CADPS2: variants seen among roughly 807,000 people sequenced by gnomAD.
CADPS2 encodes calcium dependent secretion activator 2, also known as calcium-dependent secretion activator 2.
Under a neutral mutation model 172.5 loss-of-function variants are expected in CADPS2, and 93 were observed. The observed-to-expected ratio is 0.54, with a 90% confidence interval of 0.46 to 0.64. The LOEUF is 0.64. Ranked by LOEUF, CADPS2 falls within the 30% of genes least tolerant of loss-of-function variation. The probability of loss-of-function intolerance (pLI) is 0.00; values close to 1 mark genes in which losing one functional copy is unlikely to be tolerated. For missense variants in CADPS2, 1,420 were observed against 1,565.9 expected (o/e 0.91, Z 1.57); for synonymous variants, 546 against 555.2 (o/e 0.98, Z 0.23).
At chr7:122,388,820 A>C in intron 22 of CADPS2, 82 bp from the exon 23 acceptor site, 4 of 1,215,692 alleles carry the variant, frequency 3.3e-6, no homozygotes, top group Non-Finnish European at 4.4e-6. Context: ...TCTTTTCTGC[A>C]TCAATTGCCA....
chr7:122,742,252 G>T (rs530033799), intron 1 of CADPS2, among the ~76,000 whole-genome samples: 2 of 151,868 alleles, frequency 1.3e-5, no homozygotes, highest in Admixed American at 1.3e-4. Flanking sequence ...AAAATTAGCC[G>T]GGTGTGGTGG....
chr7:122,713,610 T>G (rs572723138), intron 2 of CADPS2, among the ~76,000 whole-genome samples: 67 of 152,112 alleles, frequency 4.4e-4, no homozygotes, highest in African/African-American at 1.5e-3. Context: ...GAAGTTTCTA[T>G]TTTGACATAA....
chr7:122,394,240 G>A (rs2044768282), intron 20 of CADPS2, among the ~76,000 whole-genome samples: 1 of 152,140 alleles, frequency 6.6e-6, no homozygotes, highest in Non-Finnish European at 1.5e-5. Context: ...AGTAGTGACA[G>A]AAATCTTAGA....
At chr7:122,518,408 A>T (rs1263564409) in intron 8 of CADPS2, among the ~76,000 whole-genome samples, 1 of 152,176 alleles carries the variant, frequency 6.6e-6, no homozygotes, top group Non-Finnish European at 1.5e-5. Context: ...TTAATTTAAC[A>T]GATCTTCAAT....
chr7:122,586,968 T>C (rs940240562), intron 6 of CADPS2, among the ~76,000 whole-genome samples: 1 of 151,790 alleles, frequency 6.6e-6, no homozygotes, highest in Admixed American at 6.6e-5. Flanking sequence ...AATTATCAAA[T>C]AAAAATGACA....
At position 122,615,173 on chromosome 7, in the gene CADPS2, T is replaced by G. The variant is rs1391615745; in HGVS notation, c.1223+8A>C. The G allele has an allele frequency of 1.4e-6, 2 of 1,480,190 alleles. No homozygotes were observed. The highest frequency in any genetic ancestry group is 2.6e-5 in the South Asian group (2 of 78,240). 91.7% of individuals were successfully genotyped at this position (1,480,190 alleles called of 1,614,324 possible). On this transcript the variant is annotated splice_region_variant and intron_variant, in intron 6 of 29. Transcript: ENST00000449022. Reference sequence around the variant, plus strand: ...ACAACAATAATACACTTTTTTCAACTGGCTTACTGTGGCCTTGAGGCTTCG... The same window carrying G: ...ACAACAATAATACACTTTTTTCAACGGGCTTACTGTGGCCTTGAGGCTTCG...
intron 2 of CADPS2, among the ~76,000 whole-genome samples, chr7:122,712,287 TTGATA>T (rs1293226410): frequency 2.0e-5 from 3 of 152,126 alleles, no homozygotes; most frequent in Admixed American, 6.6e-5. Context: ...CTTATTTGAT[TTGATA>T]TAACAAAGGT....
In CADPS2 at chr7:122,757,732, T is replaced by C. The variant is rs531188249; in HGVS notation, c.340-20664A>G. 1.8e-4 allele frequency among the ~76,000 whole-genome samples: 28 copies of C among 152,056 alleles called. No individual in the cohort carries two copies. The South Asian group carries it at 5.8e-3, about 32-fold the overall frequency. ...CTAACAGCTACTAGATGCCTGTCGA[T>C]TAGGAGAAATAAAGAAAAACGGTAA... On this transcript the variant is annotated intron_variant, in intron 1 of 29. Transcript: ENST00000449022.
chr7:122,659,085 T>C (rs1022534600), intron 3 of CADPS2, among the ~76,000 whole-genome samples: 4 of 151,942 alleles, frequency 2.6e-5, no homozygotes, highest in African/African-American at 7.2e-5. Flanking sequence ...TTATGAAGCA[T>C]GTCAAAAGCA....
chr7:122,665,978 T>C lies in CADPS2; in HGVS notation c.454-2409A>G, dbSNP rs182429641. ...TTGAGATGTTTAACAATATGTTTTGTCTAAGAATGACAAGAGCTACTTCAG... is the reference window on the plus strand; with the variant it reads ...TTGAGATGTTTAACAATATGTTTTGCCTAAGAATGACAAGAGCTACTTCAG... On this transcript the variant is annotated intron_variant, in intron 2 of 29. Coordinates refer to ENST00000449022, the MANE Select transcript of CADPS2 (RefSeq NM_017954.11). 9.8e-5 allele frequency among the ~76,000 whole-genome samples: 15 copies of C among 152,332 alleles called. No homozygotes were observed. In the East Asian group the frequency reaches 2.9e-3, roughly 29 times the overall value.
rs1382317359 is a variant in CADPS2 at position 122,474,396 on chromosome 7, AT to A, written c.1982del (p.Asp661ValfsTer17). ...QRQTLDHRLN[D>X]SYSCLGWFSP... ...TTGTACTCACCAAGCAAGAATAGGAATCATTCAGTCTGTGATCCAAAGTCTG... is the reference window on the plus strand; with the variant it reads ...TTGTACTCACCAAGCAAGAATAGGAACATTCAGTCTGTGATCCAAAGTCTG... On this transcript the variant is annotated frameshift_variant, in exon 13 of 30. Transcript: ENST00000449022. LOFTEE classifies it high-confidence loss of function. The A allele has an allele frequency of 1.2e-6, 2 of 1,613,518 alleles. No individual in the cohort carries two copies. Among genetic ancestry groups the A allele is most frequent in the Non-Finnish European group, 1.7e-6 (2 of 1,179,638 alleles).
intron 4 of CADPS2, among the ~76,000 whole-genome samples, chr7:122,624,986 G>A (rs2134071092): frequency 6.6e-6 from 1 of 152,286 alleles, no homozygotes; most frequent in Non-Finnish European, 1.5e-5. Flanking sequence ...GGGTGGTAGG[G>A]GAAGGTCTCA....
At chr7:122,798,018 A>G (rs1275959824) in intron 1 of CADPS2, among the ~76,000 whole-genome samples, 1 of 150,972 alleles carries the variant, frequency 6.6e-6, no homozygotes, top group Non-Finnish European at 1.5e-5. Context: ...TTTCAATGTT[A>G]TATATCAAGG....
intron 1 of CADPS2, among the ~76,000 whole-genome samples, chr7:122,847,504 T>A (rs1186010021): frequency 1.3e-5 from 2 of 152,252 alleles, no homozygotes; most frequent in Non-Finnish European, 2.9e-5. Flanking sequence ...TTCAGCTCTG[T>A]GTCTTTGGCC....
chr7:122,720,622 A>T (rs1277028694), intron 2 of CADPS2, among the ~76,000 whole-genome samples: 2 of 151,654 alleles, frequency 1.3e-5, no homozygotes, highest in Admixed American at 1.3e-4. Flanking sequence ...ACATACATAT[A>T]TGTACGTATG....
intron 18 of CADPS2, among the ~76,000 whole-genome samples, chr7:122,414,438 C>A (rs757830342): frequency 4.6e-5 from 7 of 151,886 alleles, no homozygotes; most frequent in African/African-American, 1.5e-4. Flanking sequence ...TTTTTTAATT[C>A]AAAAATCCTA....
chr7:122,566,057 A>G (rs1160641948), intron 7 of CADPS2, among the ~76,000 whole-genome samples: 4 of 152,258 alleles, frequency 2.6e-5, no homozygotes, highest in East Asian at 1.9e-4. Flanking sequence ...TGTGCTTGGC[A>G]TATTTCATTT....
chr7:122,672,747 A>T (rs2081988370), intron 2 of CADPS2, among the ~76,000 whole-genome samples: 1 of 152,176 alleles, frequency 6.6e-6, no homozygotes, highest in South Asian at 2.1e-4. Context: ...TCGACCAGTG[A>T]CTTTCTTGTG....
chr7:122,578,886 A>G (rs1339809835), intron 7 of CADPS2, among the ~76,000 whole-genome samples: 1 of 152,060 alleles, frequency 6.6e-6, no homozygotes, highest in Admixed American at 6.6e-5. Flanking sequence ...AATACAGAAA[A>G]AGCTCACAGA....
Sources: gnomAD v4.1 joint callset for allele counts (sites outside exome capture counted in the v4.1 genomes callset) on GRCh38, gnomAD v4.1.1 for gene constraint, MANE v1.5 for transcripts, NCBI Gene and HGNC (gene_info 2026-07-23, HGNC 2026-07-21) for gene names.